SREK1: variants seen among roughly 807,000 people sequenced by gnomAD.
The protein encoded by SREK1 is splicing regulatory glutamine/lysine-rich protein 1.
A neutral mutation model predicts 66.5 loss-of-function variants in SREK1; 13 were observed. The observed-to-expected ratio is 0.20, with a 90% confidence interval of 0.13 to 0.31. The LOEUF is 0.31. Among genes scored for constraint, SREK1 ranks in the 10% least tolerant of loss-of-function variants. The pLI is 1.00. For synonymous variants in SREK1, 265 were observed against 263.5 expected (o/e 1.01, Z -0.05); for missense variants, 607 against 769.6 (o/e 0.79, Z 2.50).
At chr5:66,171,766 A>G (rs1001493894) in intron 9 of SREK1, among the ~76,000 whole-genome samples, 1 of 152,196 alleles carries the variant, frequency 6.6e-6, no homozygotes, top group Non-Finnish European at 1.5e-5. Flanking sequence ...TTTTAATACC[A>G]GCCTTTGACT....
At chr5:66,169,775 A>G (rs543403760) in intron 7 of SREK1, 1 of 196,566 alleles carries the variant, frequency 5.1e-6, no homozygotes, top group African/African-American at 2.3e-5. Context: ...TCAACAGGGA[A>G]AAATCTTCTA....
At chr5:66,153,172 G>A (rs1018869447) in intron 1 of SREK1, among the ~76,000 whole-genome samples, 2 of 151,962 alleles carry the variant, frequency 1.3e-5, no homozygotes, top group Non-Finnish European at 2.9e-5. Context: ...GTTAATTTTT[G>A]GGTTAAATTA....
intron 1 of SREK1, 162 bp downstream of exon 1, chr5:66,144,699 TC>T: frequency 7.5e-7 from 1 of 1,330,578 alleles, no homozygotes; most frequent in Non-Finnish European, 9.9e-7. Flanking sequence ...GGTTCCGCCG[TC>T]CTGCTCTCCT....
chr5:66,170,779 A>G lies in SREK1; in HGVS notation c.1316A>G (p.Lys439Arg), dbSNP rs1234667207. 6.2e-7 allele frequency: 1 copy of G among 1,605,890 alleles called. No homozygotes were observed. The highest frequency in any genetic ancestry group is 8.5e-7 in the Non-Finnish European group (1 of 1,175,606). Residue 439 changes from lysine (K) to arginine (R), a missense_variant, in exon 9 of 12, where the codon AAA becomes AGA. Around this residue, in one of 5 missense-constraint regions of SREK1, gnomAD observed 318 missense variants for 310.3 expected, o/e 1.02. Transcript: ENST00000334121. ...AAGGACAGAGAGAGAGAACGGGAAA[A>G]AGAGCATGAGAAGGATCGAGACAAA... ...KEKDRERERE[K>R]EHEKDRDKEK... is the part of the protein sequence containing the mutation.
At chr5:66,178,188 A>C (rs150602342) in intron 11 of SREK1, among the ~76,000 whole-genome samples, 1 of 151,524 alleles carries the variant, frequency 6.6e-6, no homozygotes, top group African/African-American at 2.4e-5. Context: ...TATGTACTGT[A>C]ATACTGATAG....
At chr5:66,175,611 T>C (rs1443170454) in intron 10 of SREK1, among the ~76,000 whole-genome samples, 2 of 152,200 alleles carry the variant, frequency 1.3e-5, no homozygotes, top group African/African-American at 4.8e-5. Context: ...AGAAATGGCA[T>C]TGTTAAGTTA....
At chr5:66,161,702 A>G (rs1744787677) in intron 3 of SREK1, among the ~76,000 whole-genome samples, 2 of 152,262 alleles carry the variant, frequency 1.3e-5, no homozygotes, top group South Asian at 4.1e-4. Flanking sequence ...ACAGAAGAAC[A>G]TATAAAATAA....
chr5:66,156,593 A>G (rs1267608802), intron 2 of SREK1: 3 of 982,984 alleles, frequency 3.1e-6, no homozygotes, highest in East Asian at 1.1e-4. Context: ...TTTCCCCCCT[A>G]GTCTACATCT....
chr5:66,149,107 G>T (rs143908241), intron 1 of SREK1, among the ~76,000 whole-genome samples: 3 of 152,234 alleles, frequency 2.0e-5, no homozygotes, highest in Non-Finnish European at 2.9e-5. Context: ...TAATCCCAGC[G>T]CTTTGGGAAG....
intron 2 of SREK1, chr5:66,157,297 A>G (rs772808575): frequency 3.5e-5 from 34 of 984,790 alleles, no homozygotes; most frequent in Non-Finnish European, 3.7e-5. Flanking sequence ...ACTTTTGGCC[A>G]GTGTTGAATA....
Position 66,170,093 on chromosome 5 carries a change from A to T in SREK1, c.1044A>T (p.Arg348Ser). The T allele has an allele frequency of 1.2e-6, 2 of 1,612,782 alleles. No homozygotes were observed. Among genetic ancestry groups the T allele is most frequent in the Non-Finnish European group, 1.7e-6 (2 of 1,179,210 alleles). The stretch of plus-strand genomic sequence containing the variant: ...GATCACGTTCAAGACAGAAAGACAG[A>T]CGTAGATCTAAGAGCCCACATAAAA... ...HNRSRSRQKD[R>S]RRSKSPHKKR... Residue 348 changes from arginine (R) to serine (S), a missense_variant, in exon 8 of 12, where the codon AGA (arginine) becomes AGT (serine). By Grantham distance (110) the Arg-to-Ser change is moderately radical. Coordinates refer to ENST00000334121, the MANE Select transcript of SREK1 (RefSeq NM_001077199.3).
chr5:66,177,839 G>T lies in SREK1; in HGVS notation c.1725+181G>T, dbSNP rs554653411. 7.9e-5 allele frequency among the ~76,000 whole-genome samples: 12 copies of T among 151,996 alleles called. No homozygotes were observed. In the East Asian group the frequency reaches 2.3e-3, roughly 29 times the overall value. Reference sequence around the variant, plus strand: ...AAAACTAAATGTTGAAGAGATAAGAGCCAATTAAAACTAAAAAAACTAAGT... The same window carrying T: ...AAAACTAAATGTTGAAGAGATAAGATCCAATTAAAACTAAAAAAACTAAGT... On this transcript the variant is annotated intron_variant, in intron 11 of 11. Transcript: ENST00000334121.
chr5:66,178,948 A>G lies in SREK1; in HGVS notation c.*80A>G. 7.2e-7 allele frequency: 1 copy of G among 1,388,486 alleles called. No homozygotes were observed. The highest frequency in any genetic ancestry group is 9.5e-7 in the Non-Finnish European group (1 of 1,053,364). The allele number at this position is 1,388,486 out of a possible 1,614,324, so 86.0% of individuals were successfully genotyped here. On this transcript the variant is annotated 3_prime_UTR_variant, in exon 12 of 12. Transcript: ENST00000334121. ...TTCTCTCAACAAGATGTAAACAGGA[A>G]AGAAATCTAGTTGAGCATGAAGATA...
chr5:66,148,002 C>G (rs545387391), intron 1 of SREK1, among the ~76,000 whole-genome samples: 11 of 151,904 alleles, frequency 7.2e-5, no homozygotes, highest in Admixed American at 6.6e-4. Flanking sequence ...TTTTGAAATT[C>G]TATTGTTGGA....
chr5:66,170,131 C>T lies in SREK1; in HGVS notation c.1082C>T (p.Ser361Leu). Residue 361 changes from serine to leucine, a missense_variant, in exon 8 of 12, where the codon TCA becomes TTA. Physicochemically the swap from Ser to Leu is moderately radical, Grantham distance 145. Around this residue, in one of 5 missense-constraint regions of SREK1, gnomAD observed 112 missense variants for 168.6 expected, o/e 0.66. Transcript: ENST00000334121. ...AGCCCACATAAAAAACGCTCTAAAT[C>T]AAGGGAGAGACGGAAGTCAAGGAGT... ...SKSPHKKRSK[S>L]RERRKSRSRS... 6.2e-7 allele frequency: 1 copy of T among 1,612,906 alleles called. No individual in the cohort carries two copies. Among genetic ancestry groups the T allele is most frequent in the Middle Eastern group, 1.7e-4 (1 of 6,056 alleles).
In SREK1 at chr5:66,162,299, C is replaced by T. The variant is rs780644523; in HGVS notation, c.576+26C>T. The T allele has an allele frequency of 6.6e-5, 106 of 1,612,718 alleles. 1 individual carries two copies. In the Middle Eastern group the frequency reaches 6.6e-4, roughly 10 times the overall value. On this transcript the variant is annotated intron_variant, in intron 4 of 11. Coordinates refer to ENST00000334121, the MANE Select transcript of SREK1 (RefSeq NM_001077199.3). ...GTAACTAATTAAAGAAGAAACAAAG[C>T]AGCAGTAGCCCTTATTCTTTTTCTC...
In SREK1 at chr5:66,147,000, C is replaced by T. The variant is rs574205231; in HGVS notation, c.161+2463C>T. On this transcript the variant is annotated intron_variant, in intron 1 of 11. Coordinates refer to ENST00000334121, the MANE Select transcript of SREK1 (RefSeq NM_001077199.3). ...TCAGGAGGCTGAGGTGGGAGAACAG[C>T]TTGAGCCCAGGAGTTTGATTCCAAC... Among the ~76,000 whole-genome samples the T allele has an allele frequency of 2.0e-5, 3 of 152,216 alleles. No individual in the cohort carries two copies. In the East Asian group the frequency reaches 5.8e-4, roughly 29 times the overall value.
rs35423236 is a variant in SREK1 at position 66,148,822 on chromosome 5, GTT to G, written c.161+4293_161+4294del. Among the ~76,000 whole-genome samples, 382 of 151,078 alleles carry G rather than the reference GTT, an allele frequency of 2.5e-3. 3 individuals are homozygous for G. Among genetic ancestry groups the G allele is most frequent in the African/African-American group, 8.9e-3 (368 of 41,216 alleles). On this transcript the variant is annotated intron_variant, in intron 1 of 11. Coordinates refer to ENST00000334121, the MANE Select transcript of SREK1 (RefSeq NM_001077199.3). ...TGGAATATGTCATCCCTTTTTATGT[GTT>G]TTTTTTTCCCCCAAGGTCTTCTTCT...
intron 7 of SREK1, 132 bp downstream of exon 7, chr5:66,165,029 T>A: frequency 1.3e-6 from 1 of 776,604 alleles, no homozygotes; most frequent in Non-Finnish European, 2.0e-6. Flanking sequence ...TGGTTACCTT[T>A]AAATATTGTT....
Sources: gnomAD v4.1 joint callset for allele counts (sites outside exome capture counted in the v4.1 genomes callset) on GRCh38, gnomAD v4.1.1 for gene constraint, gnomAD v4.1.1 regional missense constraint, MANE v1.5 for transcripts, NCBI Gene and HGNC (gene_info 2026-07-23, HGNC 2026-07-21) for gene names.